The following PLXNA1 variants were observed in gnomAD, a reference collection of about 807,000 sequenced individuals.
PLXNA1 encodes plexin A1.
In PLXNA1, 77 loss-of-function variants were observed where a neutral mutation model predicts 191.7. The ratio of observed to expected loss-of-function variants is 0.40; its 90% CI spans 0.33 to 0.49. The LOEUF (loss-of-function observed/expected upper bound fraction) is 0.49, where lower values mean the gene tolerates loss of function less well. PLXNA1 is among the 20% of genes least tolerant of loss of function. PLXNA1 has a pLI of 0.63. For synonymous variants in PLXNA1, 1,137 were observed against 1,156.4 expected (o/e 0.98, Z 0.34); for missense variants, 2,110 against 2,660.2 (o/e 0.79, Z 4.55).
In PLXNA1 at chr3:127,005,082, C is replaced by T. The variant is rs1445964574; in HGVS notation, c.1744-8C>T. The T allele has an allele frequency of 6.2e-7, 1 of 1,612,414 alleles. No individual in the cohort carries two copies. Among genetic ancestry groups the T allele is most frequent in the Admixed American group, 1.7e-5 (1 of 59,998 alleles). On this transcript the variant is annotated splice_polypyrimidine_tract_variant and splice_region_variant and intron_variant, in intron 6 of 31. Transcript: ENST00000393409. ...CCCTGCTCACCATGCCTCCTGCTGCCTGCCCAGCTTGTGCTGCAGGCCTGG... is the reference window on the plus strand; with the variant it reads ...CCCTGCTCACCATGCCTCCTGCTGCTTGCCCAGCTTGTGCTGCAGGCCTGG...
At chr3:127,022,517 C>G (rs2079156979) in intron 22 of PLXNA1, among the ~76,000 whole-genome samples, 176 bp downstream of exon 22, 1 of 152,152 alleles carries the variant, frequency 6.6e-6, no homozygotes. Context: ...TAGTGAGGAC[C>G]CAGGCTGGAG....
At chr3:127,023,807 C>G (rs2079164172) in intron 23 of PLXNA1, among the ~76,000 whole-genome samples, 1 of 151,958 alleles carries the variant, frequency 6.6e-6, no homozygotes, top group Non-Finnish European at 1.5e-5. Context: ...CAGGGCCGAG[C>G]AGGGAGGGTG....
chr3:126,991,488 C>G lies in PLXNA1; in HGVS notation c.1299C>G (p.Gly433=), dbSNP rs773669387. 72 of 1,612,480 alleles carry G rather than the reference C, an allele frequency of 4.5e-5. No individual in the cohort carries two copies. The highest frequency in any genetic ancestry group is 6.0e-5 in the Non-Finnish European group (71 of 1,179,718). The part of the protein sequence containing the change: ...GTPLFVDKDD[G]LTAVAAYDYR... ...CCCTGTTCGTGGACAAGGATGATGG[C>G]CTGACCGCCGTGGCTGCCTATGACT... Residue 433 remains glycine, a synonymous_variant, in exon 3 of 32, where the codon GGC becomes GGG. Transcript: ENST00000393409.
Position 127,032,585 on chromosome 3 carries a change from G to C in PLXNA1, c.5430G>C (p.Lys1810Asn). 1 of 1,613,798 alleles carries C rather than the reference G, an allele frequency of 6.2e-7. No individual in the cohort carries two copies. The highest frequency in any genetic ancestry group is 8.5e-7 in the Non-Finnish European group (1 of 1,179,908). ...LLYAKDIPNY[K>N]SWVERYYADI... Reference sequence around the variant, plus strand: ...ACGCCAAGGACATCCCCAACTACAAGAGCTGGGTGGAGAGGTAGGTGGAGG... The same window carrying C: ...ACGCCAAGGACATCCCCAACTACAACAGCTGGGTGGAGAGGTAGGTGGAGG... Residue 1810 changes from lysine to asparagine, a missense_variant, in exon 30 of 32, where the codon AAG becomes AAC. Around this residue, in one of 4 missense-constraint regions of PLXNA1, gnomAD observed 559 missense variants for 911.5 expected, o/e 0.61. Coordinates refer to ENST00000393409, the MANE Select transcript of PLXNA1 (RefSeq NM_032242.4).
In PLXNA1 at chr3:127,022,138, G is replaced by C. The variant is rs1468463922; in HGVS notation, c.4092G>C (p.Lys1364Asn). ...SLTLFGQLLT[K>N]KHFLLTFIRT... ...CACTGTTCGGGCAGCTGCTGACCAA[G>C]AAGCACTTCCTGCTGACCTTCATCC... Residue 1364 changes from lysine (K) to asparagine (N), a missense_variant, in exon 22 of 32, where the codon AAG (lysine) becomes AAC (asparagine). Lys to Asn is a moderately conservative substitution (Grantham distance 94, BLOSUM62 0). Around this residue, in one of 4 missense-constraint regions of PLXNA1, gnomAD observed 559 missense variants for 911.5 expected, o/e 0.61. Transcript: ENST00000393409. 1 of 1,613,338 alleles carries C rather than the reference G, an allele frequency of 6.2e-7. No individual in the cohort carries two copies. The highest frequency in any genetic ancestry group is 8.5e-7 in the Non-Finnish European group (1 of 1,180,008).
rs372137045 is a variant in PLXNA1 at position 126,989,350 on chromosome 3, G to T, written c.757G>T (p.Glu253Ter). 1.9e-6 allele frequency: 3 copies of T among 1,613,518 alleles called. No individual in the cohort carries two copies. In the African/African-American group the frequency reaches 4.0e-5, roughly 22 times the overall value. Residue 253 changes from glutamate to a stop codon, truncating the protein, a stop_gained, in exon 2 of 32, where the codon GAG (glutamate) becomes TAG (stop). Transcript: ENST00000393409. LOFTEE classifies it high-confidence loss of function. ...CTACTATGTGTACAGCTTCCGCAGC[G>T]AGCAGTTTGTCTACTACCTCACGCT... Reference protein sequence around the residue: ...DIYYVYSFRSEQFVYYLTLQL... With the variant: ...DIYYVYSFRS
chr3:127,027,448 A>G, intron 23 of PLXNA1: 1 of 360,286 alleles, frequency 2.8e-6, no homozygotes, highest in Non-Finnish European at 5.4e-6. Flanking sequence ...GGTGGTCCCT[A>G]GGAGGCCAGT....
Position 126,989,244 on chromosome 3 carries a change from C to T in PLXNA1, c.651C>T (p.Gly217=). The change falls in exon 2 of 32, where the codon GGC becomes GGT. Residue 217 remains glycine (G), a synonymous_variant. Transcript: ENST00000393409. ...MANEEDADMF[G]FVYQDEFVSS... is the part of the protein sequence containing the mutation. The stretch of plus-strand genomic sequence containing the variant: ...ACGAGGAGGATGCCGACATGTTCGG[C>T]TTCGTGTACCAGGATGAGTTTGTGT... 6.2e-7 allele frequency: 1 copy of T among 1,613,682 alleles called. No individual in the cohort carries two copies. Among genetic ancestry groups the T allele is most frequent in the Admixed American group, 1.7e-5 (1 of 60,032 alleles).
rs956540404 is a variant in PLXNA1 at position 126,989,133 on chromosome 3, G to T, written c.540G>T (p.Gln180His). The T allele has an allele frequency of 1.9e-6, 3 of 1,613,190 alleles. No individual in the cohort carries two copies. Among genetic ancestry groups the T allele is most frequent in the Non-Finnish European group, 2.5e-6 (3 of 1,180,038 alleles). ...AGVLIAGPPGQGQAKLFVGTP... is the reference protein window; with the variant it reads ...AGVLIAGPPGHGQAKLFVGTP... ...TGCTCATTGCCGGGCCACCGGGCCAGGGCCAGGCCAAGCTCTTCGTGGGCA... is the reference window on the plus strand; with the variant it reads ...TGCTCATTGCCGGGCCACCGGGCCATGGCCAGGCCAAGCTCTTCGTGGGCA... Residue 180 changes from glutamine to histidine, a missense_variant, in exon 2 of 32, where the codon CAG becomes CAT. Coordinates refer to ENST00000393409, the MANE Select transcript of PLXNA1 (RefSeq NM_032242.4).
intron 8 of PLXNA1, among the ~76,000 whole-genome samples, chr3:127,007,348 T>C (rs2079074206): frequency 6.6e-6 from 1 of 152,028 alleles, no homozygotes; most frequent in Non-Finnish European, 1.5e-5. Flanking sequence ...TGCAGGGAGG[T>C]GATGTGCATG....
rs765712162 is a variant in PLXNA1, at chr3:127,017,512, C to T, written c.3364C>T (p.Arg1122Trp). 1.4e-5 allele frequency: 23 copies of T among 1,613,490 alleles called. 1 individual carries two copies. Among genetic ancestry groups the T allele is most frequent in the South Asian group, 7.7e-5 (7 of 91,094 alleles). ...PVRSPPELGERPDELGFVMDN... is the reference protein window; with the variant it reads ...PVRSPPELGEWPDELGFVMDN... ...GCGCAGCCCACCAGAGCTGGGGGAG[C>T]GGCCGGATGAGCTGGGCTTCGTCAT... is the stretch of plus-strand genomic sequence containing the variant. Residue 1122 changes from arginine (R) to tryptophan (W), a missense_variant, in exon 18 of 32, where the codon CGG becomes TGG. Arg to Trp is a moderately radical substitution (Grantham distance 101, BLOSUM62 -3). This residue lies in a region of PLXNA1 where 644 missense variants were observed against 714.3 expected (regional missense o/e 0.90). Coordinates refer to ENST00000393409, the MANE Select transcript of PLXNA1 (RefSeq NM_032242.4).
rs1331182959 is a variant in PLXNA1, at chr3:126,991,430, C to T, written c.1241C>T (p.Pro414Leu). Reference protein sequence around the residue: ...DDFCGQDFNQPLGGTVTIEGT... With the variant: ...DDFCGQDFNQLLGGTVTIEGT... ...TTCTGCGGGCAGGACTTCAACCAGCCCCTGGGGGGCACAGTCACCATTGAG... is the reference window on the plus strand; with the variant it reads ...TTCTGCGGGCAGGACTTCAACCAGCTCCTGGGGGGCACAGTCACCATTGAG... The change falls in exon 3 of 32, where the codon CCC becomes CTC. Residue 414 changes from proline to leucine, a missense_variant. Pro to Leu is a moderately conservative substitution (Grantham distance 98). This residue lies in a region of PLXNA1 where 903 missense variants were observed against 1,015.7 expected (regional missense o/e 0.89). Transcript: ENST00000393409. The T allele has an allele frequency of 6.2e-7, 1 of 1,612,758 alleles. No homozygotes were observed. Among genetic ancestry groups the T allele is most frequent in the Non-Finnish European group, 8.5e-7 (1 of 1,179,912 alleles).
chr3:126,989,769 G>C lies in PLXNA1; in HGVS notation c.1176G>C (p.Glu392Asp), dbSNP rs1463752189. 1 of 1,608,686 alleles carries C rather than the reference G, an allele frequency of 6.2e-7. No homozygotes were observed. Among genetic ancestry groups the C allele is most frequent in the East Asian group, 2.2e-5 (1 of 44,798 alleles). The change falls in exon 2 of 32, where the codon GAG (glutamate) becomes GAC (aspartate). Residue 392 changes from glutamate (E) to aspartate (D), a missense_variant. By Grantham distance (45) the Glu-to-Asp change is conservative (BLOSUM62 2). Coordinates refer to ENST00000393409, the MANE Select transcript of PLXNA1 (RefSeq NM_032242.4). ...CCCTGCCGTGGCTGCTCAACAAGGA[G>C]CTGGGCTGCATCAACTCGGTGAGTT... The part of the protein sequence containing the change: ...KLSLPWLLNK[E>D]LGCINSPLQI...
intron 3 of PLXNA1, among the ~76,000 whole-genome samples, chr3:126,999,634 T>A (rs1198243617): frequency 1.3e-5 from 2 of 152,190 alleles, no homozygotes; most frequent in Non-Finnish European, 2.9e-5. Context: ...GATGGACAGC[T>A]GACCTGGCCG....
chr3:127,019,661 C>G (rs2107634276), intron 20 of PLXNA1, among the ~76,000 whole-genome samples: 1 of 152,344 alleles, frequency 6.6e-6, no homozygotes, highest in East Asian at 1.9e-4. Flanking sequence ...TAGCCTGATC[C>G]TCGGGCTGCC....
chr3:127,023,357 T>C (rs1274763160), intron 23 of PLXNA1, among the ~76,000 whole-genome samples: 1 of 152,238 alleles, frequency 6.6e-6, no homozygotes, highest in Non-Finnish European at 1.5e-5. Context: ...CAGTAAGCAG[T>C]TGAATTGCTG....
rs745437113 is a variant in PLXNA1 at position 127,018,483 on chromosome 3, C to A, written c.3850C>A (p.Gln1284Lys). 6.2e-7 allele frequency: 1 copy of A among 1,612,394 alleles called. No individual in the cohort carries two copies. Among genetic ancestry groups the A allele is most frequent in the Non-Finnish European group, 8.5e-7 (1 of 1,179,454 alleles). ...ADRTLKRLQL[Q>K]MDNLESRVAL... is the part of the protein sequence containing the mutation. ...CCGCACACTCAAGCGGCTGCAGCTC[C>A]AGATGGACAACCTGGAGTCCCGCGT... The change falls in exon 20 of 32, where the codon CAG (glutamine) becomes AAG (lysine). Residue 1284 changes from glutamine (Q) to lysine (K), a missense_variant. By Grantham distance (53) the Gln-to-Lys change is moderately conservative (BLOSUM62 1). This residue lies in a region of PLXNA1 where 559 missense variants were observed against 911.5 expected (regional missense o/e 0.61). Transcript: ENST00000393409.
At chr3:127,021,926 G>A (rs1030684594) in intron 21 of PLXNA1, among the ~76,000 whole-genome samples, 159 bp from the exon 22 acceptor site, 5 of 152,210 alleles carry the variant, frequency 3.3e-5, no homozygotes, top group African/African-American at 7.2e-5. Context: ...GGAATGACCC[G>A]CCGAGCTGAG....
At chr3:127,011,280 C>G (rs569363857) in intron 9 of PLXNA1, among the ~76,000 whole-genome samples, 1 of 152,188 alleles carries the variant, frequency 6.6e-6, no homozygotes, top group East Asian at 1.9e-4. Context: ...GGTCATCTTG[C>G]CCAGCTGGGC....
Sources: allele counts gnomAD v4.1 joint callset (sites outside exome capture counted in the v4.1 genomes callset), GRCh38; gene constraint gnomAD v4.1.1; regional missense constraint gnomAD v4.1.1; transcripts MANE v1.5; gene names NCBI Gene and HGNC (gene_info 2026-07-23, HGNC 2026-07-21).